PRDM16: variants seen among roughly 807,000 people sequenced by gnomAD.
PRDM16 encodes histone-lysine N-methyltransferase PRDM16.
Under a neutral mutation model 110.6 loss-of-function variants are expected in PRDM16, and 23 were observed. That is an observed-to-expected ratio of 0.21 (90% CI 0.15 to 0.29). The LOEUF (loss-of-function observed/expected upper bound fraction) is 0.29, where lower values mean the gene tolerates loss of function less well. Among genes scored for constraint, PRDM16 ranks in the 10% least tolerant of loss-of-function variants. PRDM16 has a pLI of 1.00. For synonymous variants in PRDM16, 799 were observed against 781.8 expected, an observed-to-expected ratio of 1.02 and a Z score of -0.37; for missense variants, 1,615 against 1,794.3, an observed-to-expected ratio of 0.90 and a Z score of 1.81.
intron 2 of PRDM16, among the ~76,000 whole-genome samples, chr1:3,191,349 G>A (rs1172082550): frequency 6.6e-6 from 1 of 152,190 alleles, no homozygotes; most frequent in South Asian, 2.1e-4. Context: ...TCAGCCCAGA[G>A]GCCTTGGGCC....
chr1:3,107,801 C>T (rs932044279), intron 1 of PRDM16, among the ~76,000 whole-genome samples: 1 of 152,262 alleles, frequency 6.6e-6, no homozygotes, highest in Non-Finnish European at 1.5e-5. Flanking sequence ...TGGCCCCTGG[C>T]CTCACTCTCT....
chr1:3,182,443 T>G (rs1422345329), intron 1 of PRDM16, among the ~76,000 whole-genome samples: 1 of 152,172 alleles, frequency 6.6e-6, no homozygotes, highest in African/African-American at 2.4e-5. Context: ...CTTCTCTCGC[T>G]CTCTCCAGAC....
intron 1 of PRDM16, among the ~76,000 whole-genome samples, chr1:3,163,971 T>C (rs1158975181): frequency 3.9e-5 from 6 of 152,186 alleles, no homozygotes; most frequent in Non-Finnish European, 8.8e-5. Flanking sequence ...AAGGGAGCCC[T>C]GGGGCCCAGG....
At chr1:3,430,839 A>C in intron 14 of PRDM16, 33 bp from the exon 15 acceptor site, 1 of 1,609,702 alleles carries the variant, frequency 6.2e-7, no homozygotes, top group Non-Finnish European at 8.5e-7. Flanking sequence ...AGAGACACCC[A>C]AACTCAGTCA....
At chr1:3,334,103 G>A (rs1217737066) in intron 3 of PRDM16, among the ~76,000 whole-genome samples, 1 of 152,252 alleles carries the variant, frequency 6.6e-6, no homozygotes, top group Non-Finnish European at 1.5e-5. Context: ...GTGAGCCAGG[G>A]CACAGCCTGT....
At chr1:3,227,512 G>A (rs1220786804) in intron 2 of PRDM16, among the ~76,000 whole-genome samples, 2 of 152,238 alleles carry the variant, frequency 1.3e-5, no homozygotes, top group Admixed American at 6.5e-5. Context: ...GCGTAAGGCC[G>A]GCGGGACCGT....
chr1:3,114,193 G>GCACACGCACGCGCGCACACGCA (rs1407727932), intron 1 of PRDM16, among the ~76,000 whole-genome samples: 1 of 106,216 alleles, frequency 9.4e-6, no homozygotes, highest in Non-Finnish European at 1.8e-5. Flanking sequence ...ACGCACACAC[G>GCACACGCACGCGCGCACACGCA]CACACGCACG....
At chr1:3,079,555 C>T (rs918078717) in intron 1 of PRDM16, among the ~76,000 whole-genome samples, 2 of 152,222 alleles carry the variant, frequency 1.3e-5, no homozygotes, top group Non-Finnish European at 2.9e-5. Flanking sequence ...GCCCCAGGGA[C>T]GTGCCACAGG....
intron 2 of PRDM16, among the ~76,000 whole-genome samples, chr1:3,188,782 A>G (rs940476233): frequency 4.6e-5 from 7 of 152,270 alleles, no homozygotes; most frequent in Non-Finnish European, 7.4e-5. Context: ...GGGAGCTGAC[A>G]TTGGAACTGG....
At chr1:3,319,794 A>G (rs568490728) in intron 3 of PRDM16, among the ~76,000 whole-genome samples, 10 of 152,248 alleles carry the variant, frequency 6.6e-5, no homozygotes, top group African/African-American at 2.2e-4. Flanking sequence ...GCCATTGTTC[A>G]CCAGCAGGTA....
At chr1:3,230,300 A>G (rs1181981824) in intron 2 of PRDM16, among the ~76,000 whole-genome samples, 4 of 152,152 alleles carry the variant, frequency 2.6e-5, no homozygotes, top group Non-Finnish European at 4.4e-5. Flanking sequence ...GGTCTCACGG[A>G]GGCCTTTCTG....
chr1:3,093,637 C>T (rs899531981), intron 1 of PRDM16, among the ~76,000 whole-genome samples: 2 of 152,058 alleles, frequency 1.3e-5, no homozygotes, highest in African/African-American at 2.4e-5. Context: ...CATGAGTTCT[C>T]GGAGGCTGCA....
intron 3 of PRDM16, among the ~76,000 whole-genome samples, chr1:3,345,872 G>A (rs572805152): frequency 1.1e-4 from 16 of 151,444 alleles, no homozygotes; most frequent in African/African-American, 3.4e-4. Flanking sequence ...TTTCTTGGCA[G>A]CTGTCTCACT....
intron 3 of PRDM16, among the ~76,000 whole-genome samples, chr1:3,294,505 G>A (rs1305543546): frequency 6.6e-6 from 1 of 152,088 alleles, no homozygotes; most frequent in Non-Finnish European, 1.5e-5. Context: ...ATGGGTCAGT[G>A]TCCAGCCCCT....
intron 1 of PRDM16, among the ~76,000 whole-genome samples, chr1:3,134,394 C>T (rs562904221): frequency 7.9e-5 from 12 of 152,358 alleles, no homozygotes; most frequent in South Asian, 2.1e-4. Context: ...ATGGGCTGGG[C>T]GGGGGCCAAT....
At chr1:3,395,209 G>T (rs1358113980) in intron 4 of PRDM16, among the ~76,000 whole-genome samples, 1 of 151,826 alleles carries the variant, frequency 6.6e-6, no homozygotes, top group Non-Finnish European at 1.5e-5. Context: ...GCATGCAGGG[G>T]CCACACCCAG....
chr1:3,115,155 G>A (rs75025529), intron 1 of PRDM16, among the ~76,000 whole-genome samples: 2,840 of 152,328 alleles, frequency 0.019, 82 homozygotes, highest in African/African-American at 0.064. Context: ...TGAGTGGTTG[G>A]GGGGGCACTC....
At chr1:3,217,839 C>A (rs1396936860) in intron 2 of PRDM16, among the ~76,000 whole-genome samples, 1 of 152,212 alleles carries the variant, frequency 6.6e-6, no homozygotes, top group Non-Finnish European at 1.5e-5. Context: ...ATTCGGGATG[C>A]CGCCTGCATG....
chr1:3,247,163 C>T lies in PRDM16; in HGVS notation c.438+3026C>T, dbSNP rs1432842494. On this transcript the variant is annotated intron_variant, in intron 3 of 16. Coordinates refer to ENST00000270722, the MANE Select transcript of PRDM16 (RefSeq NM_022114.4). ...GAACATGACGGGGGTGGCTGTGTGA[C>T]CTGTGGGTGGGCAACTCCTGTGTCT... Among the ~76,000 whole-genome samples the T allele has an allele frequency of 2.0e-5, 3 of 152,268 alleles. No individual in the cohort carries two copies. The East Asian group carries it at 5.8e-4, about 29-fold the overall frequency.
Sources: gnomAD v4.1 joint callset for allele counts (sites outside exome capture counted in the v4.1 genomes callset) on GRCh38, gnomAD v4.1.1 for gene constraint, MANE v1.5 for transcripts, NCBI Gene and HGNC (gene_info 2026-07-23, HGNC 2026-07-21) for gene names.